The following SHROOM3 variants were observed in gnomAD, a reference collection of about 807,000 sequenced individuals.
SHROOM3 encodes shroom family member 3.
SHROOM3 carries 47 observed loss-of-function variants against 138.6 expected under a neutral mutation model. The observed-to-expected ratio is 0.34, with a 90% CI of 0.27 to 0.43. The LOEUF (loss-of-function observed/expected upper bound fraction) is 0.43. Ranked by LOEUF, SHROOM3 falls within the 20% of genes least tolerant of loss-of-function variation. The pLI is 1.00. For missense variants in SHROOM3, 2,491 were observed against 2,596.5 expected (o/e 0.96, Z 0.88); for synonymous variants, 1,062 against 1,063.3 (o/e 1.00, Z 0.02).
intron 1 of SHROOM3, among the ~76,000 whole-genome samples, chr4:76,472,345 G>A (rs1731392287): frequency 6.6e-6 from 1 of 152,142 alleles, no homozygotes; most frequent in South Asian, 2.1e-4. Flanking sequence ...AATGATATTT[G>A]TTATCAAATA....
rs76416707 is a variant in SHROOM3, at chr4:76,518,323, C to T, written c.169-37286C>T. The stretch of plus-strand genomic sequence containing the variant: ...CGTAGTGTCCTCCACTCCATATCAG[C>T]ATCTGGCACCTAATATGCACTCCAT... On this transcript the variant is annotated intron_variant, in intron 1 of 10. Transcript: ENST00000296043. 7.5e-3 allele frequency among the ~76,000 whole-genome samples: 1,145 copies of T among 152,286 alleles called. 21 individuals carry two copies. The East Asian group carries it at 0.078, about 10-fold the overall frequency.
chr4:76,660,430 C>T (rs1300012911), intron 2 of SHROOM3, among the ~76,000 whole-genome samples: 1 of 152,036 alleles, frequency 6.6e-6, no homozygotes, highest in Non-Finnish European at 1.5e-5. Context: ...AACACCTCAG[C>T]GATAACTAGT....
chr4:76,693,456 T>A (rs960933287), intron 2 of SHROOM3, among the ~76,000 whole-genome samples: 2 of 141,840 alleles, frequency 1.4e-5, no homozygotes, highest in African/African-American at 5.3e-5. Flanking sequence ...CAATCTTGGC[T>A]CACTGCAGCC....
chr4:76,569,290 A>G (rs977245423), intron 2 of SHROOM3, among the ~76,000 whole-genome samples: 2 of 152,210 alleles, frequency 1.3e-5, no homozygotes, highest in Non-Finnish European at 2.9e-5. Flanking sequence ...CTTGCTAATA[A>G]CGATGGATAT....
intron 2 of SHROOM3, among the ~76,000 whole-genome samples, chr4:76,620,563 G>A (rs1734982154): frequency 6.6e-6 from 1 of 152,184 alleles, no homozygotes; most frequent in Non-Finnish European, 1.5e-5. Flanking sequence ...GGGAATGGTT[G>A]GCAATGCCAA....
At chr4:76,450,068 A>T (rs915215430) in intron 1 of SHROOM3, among the ~76,000 whole-genome samples, 1 of 152,192 alleles carries the variant, frequency 6.6e-6, no homozygotes, top group African/African-American at 2.4e-5. Context: ...TTTTAACTCC[A>T]TTGATTGCCG....
At position 76,756,838 on chromosome 4, in the gene SHROOM3, A is replaced by G; in HGVS notation, c.5099A>G (p.Glu1700Gly). The G allele has an allele frequency of 1.9e-6, 3 of 1,614,150 alleles. No homozygotes were observed. The highest frequency in any genetic ancestry group is 2.2e-5 in the South Asian group (2 of 91,076). The change falls in exon 8 of 11, where the codon GAA (glutamate) becomes GGA (glycine). Residue 1700 changes from glutamate (E) to glycine (G), a missense_variant. Coordinates refer to ENST00000296043, the MANE Select transcript of SHROOM3 (RefSeq NM_020859.4). ...CTGAAGACAACAATGGACCTGATGG[A>G]AGGTTTGTTTCCCCGAGATGTGAAC... ...SRLKTTMDLM[E>G]GLFPRDVNLL...
intron 2 of SHROOM3, among the ~76,000 whole-genome samples, chr4:76,569,298 T>C (rs2110037147): frequency 6.6e-6 from 1 of 152,262 alleles, no homozygotes; most frequent in East Asian, 1.9e-4. Context: ...TAACGATGGA[T>C]ATAAAACTTT....
chr4:76,766,278 G>A (rs761097344), intron 9 of SHROOM3, among the ~76,000 whole-genome samples: 3 of 152,244 alleles, frequency 2.0e-5, no homozygotes, highest in African/African-American at 7.2e-5. Context: ...TTCGGCAGGT[G>A]TTATTTTCTT....
chr4:76,778,907 C>T lies in SHROOM3; in HGVS notation c.5721C>T (p.Gly1907=), dbSNP rs761744375. The T allele has an allele frequency of 6.2e-6, 10 of 1,613,528 alleles. No individual in the cohort carries two copies. Among genetic ancestry groups the T allele is most frequent in the Non-Finnish European group, 8.5e-6 (10 of 1,180,048 alleles). ...NLDRRERVVL[G]ILANYLSEEQ... The stretch of plus-strand genomic sequence containing the variant: ...ATCGCAGGGAGCGAGTAGTGCTGGG[C>T]ATCTTGGCCAATTACCTTTCAGAGG... Residue 1907 remains glycine (G), a synonymous_variant, in exon 11 of 11, where the codon GGC becomes GGT. Transcript: ENST00000296043.
chr4:76,749,140 T>G (rs973033370), intron 6 of SHROOM3, 50 bp downstream of exon 6: 1 of 1,483,756 alleles, frequency 6.7e-7, no homozygotes, highest in Non-Finnish European at 9.4e-7. Flanking sequence ...CTGCTGGTGT[T>G]AAACTACTCT....
In SHROOM3 at chr4:76,741,698, C is replaced by CG; in HGVS notation, c.3527dup (p.Gly1177TrpfsTer14). The CG allele has an allele frequency of 3.9e-6, 6 of 1,551,966 alleles. No individual in the cohort carries two copies. Among genetic ancestry groups the CG allele is most frequent in the Non-Finnish European group, 5.2e-6 (6 of 1,149,700 alleles). On this transcript the variant is annotated frameshift_variant, in exon 5 of 11. Transcript: ENST00000296043. LOFTEE classifies it high-confidence loss of function. The surrounding 1 kb of genome is among the most constrained non-coding windows in gnomAD (Gnocchi z 6.2). ...CCCGAGATCGCAGCAGCTCCTTCGC[C>CG]GGTGGCCGCCGCCTCGGGGAACGGC...
At chr4:76,463,717 T>G (rs28762776) in intron 1 of SHROOM3, among the ~76,000 whole-genome samples, 2,112 of 152,338 alleles carry the variant, frequency 0.014, 51 homozygotes, top group African/African-American at 0.048. Context: ...ACCTGGCACC[T>G]TGCACTGTGG....
At chr4:76,570,754 T>G (rs1733818695) in intron 2 of SHROOM3, among the ~76,000 whole-genome samples, 1 of 152,206 alleles carries the variant, frequency 6.6e-6, no homozygotes, top group African/African-American at 2.4e-5. Flanking sequence ...TTTGCTATAT[T>G]CAGGACAGCC....
intron 3 of SHROOM3, 83 bp downstream of exon 3, chr4:76,710,370 G>C: frequency 6.5e-7 from 1 of 1,550,320 alleles, no homozygotes; most frequent in African/African-American, 1.4e-5. Flanking sequence ...AGAGGAGTCG[G>C]GGGCAAGGAT....
intron 2 of SHROOM3, among the ~76,000 whole-genome samples, chr4:76,583,959 A>C (rs1734098522): frequency 6.6e-6 from 1 of 152,194 alleles, no homozygotes; most frequent in Non-Finnish European, 1.5e-5. Context: ...TTCATCTCAT[A>C]ATTTGTGAAA....
At chr4:76,654,928 T>G (rs560032351) in intron 2 of SHROOM3, among the ~76,000 whole-genome samples, 3 of 152,264 alleles carry the variant, frequency 2.0e-5, no homozygotes, top group African/African-American at 7.2e-5. Context: ...GAAGCCAGGA[T>G]TTGAGATCTA....
chr4:76,665,083 A>G (rs951379643), intron 2 of SHROOM3, among the ~76,000 whole-genome samples: 3 of 152,160 alleles, frequency 2.0e-5, no homozygotes, highest in African/African-American at 7.2e-5. Context: ...AGGGGTTCTA[A>G]GGATTTTACA....
intron 2 of SHROOM3, among the ~76,000 whole-genome samples, chr4:76,701,711 C>T (rs1391527649): frequency 1.3e-5 from 2 of 152,178 alleles, no homozygotes; most frequent in Non-Finnish European, 2.9e-5. Flanking sequence ...ATTTGTCTCT[C>T]TCTACTGATA....
Sources: gnomAD v4.1 joint callset for allele counts (sites outside exome capture counted in the v4.1 genomes callset) on GRCh38, gnomAD v4.1.1 for gene constraint, Gnocchi (gnomAD v3.1) non-coding constraint, MANE v1.5 for transcripts, NCBI Gene and HGNC (gene_info 2026-07-23, HGNC 2026-07-21) for gene names.